The following NSDHL variants were observed in gnomAD, a reference collection of about 807,000 sequenced individuals.
NSDHL encodes the protein NAD(P) dependent 3-beta-hydroxysteroid dehydrogenase NSDHL.
Under a neutral mutation model 23.0 loss-of-function variants are expected in NSDHL, and 1 was observed. The observed-to-expected ratio is 0.04, with a 90% CI of 0.02 to 0.21. The LOEUF (loss-of-function observed/expected upper bound fraction) is 0.21, where lower values mean the gene tolerates loss of function less well. Ranked by LOEUF, NSDHL falls within the 10% of genes least tolerant of loss-of-function variation. NSDHL has a pLI of 1.00. For synonymous variants in NSDHL, 128 were observed against 121.1 expected (o/e 1.06, Z -0.37); for missense variants, 237 against 300.9 (o/e 0.79, Z 1.57).
intron 2 of NSDHL, among the ~76,000 whole-genome samples, chrX:152,849,932 G>C (rs782341838): frequency 8.9e-6 from 1 of 112,200 alleles, no homozygotes; most frequent in Non-Finnish European, 1.9e-5. Context: ...ACTGTTTTTT[G>C]GGGTATTTTT....
At chrX:152,854,392 TTTTTA>T (rs781989247) in intron 3 of NSDHL, among the ~76,000 whole-genome samples, 163 of 110,835 alleles carry the variant, frequency 1.5e-3, no homozygotes, top group African/African-American at 4.3e-3. Context: ...GAGAGGACCT[TTTTTA>T]TTTTATTTTA....
intron 2 of NSDHL, among the ~76,000 whole-genome samples, chrX:152,849,376 G>T (rs1388696622): frequency 1.8e-5 from 2 of 111,814 alleles, no homozygotes; most frequent in African/African-American, 6.5e-5. Flanking sequence ...AGGGAGGAGG[G>T]ATATCACAGG....
intron 4 of NSDHL, among the ~76,000 whole-genome samples, chrX:152,861,464 A>G (rs1556847512): frequency 8.9e-6 from 1 of 112,540 alleles, no homozygotes; most frequent in South Asian, 3.6e-4. Flanking sequence ...CACGCCCCCA[A>G]CCAATTTCTT....
intron 1 of NSDHL, among the ~76,000 whole-genome samples, chrX:152,845,422 G>A (rs1379582167): frequency 9.0e-6 from 1 of 111,706 alleles, no homozygotes; most frequent in East Asian, 2.8e-4. Flanking sequence ...CCATGACTAA[G>A]TAAATTGGCA....
chrX:152,867,297 G>A lies in NSDHL; in HGVS notation c.687-274G>A, dbSNP rs782155478. On this transcript the variant is annotated intron_variant, in intron 6 of 7. Coordinates refer to ENST00000370274, the MANE Select transcript of NSDHL (RefSeq NM_015922.3). ...GGCTGAAAAGCTGCTACCCAAATCGGGACAGGAGAGACAGCACCAGTGTTG... is the reference window on the plus strand; with the variant it reads ...GGCTGAAAAGCTGCTACCCAAATCGAGACAGGAGAGACAGCACCAGTGTTG... 5.3e-5 allele frequency among the ~76,000 whole-genome samples: 6 copies of A among 112,198 alleles called. No homozygotes were observed. In the South Asian group the frequency reaches 1.5e-3, roughly 28 times the overall value.
chrX:152,853,122 C>T (rs1391282192), intron 3 of NSDHL, among the ~76,000 whole-genome samples: 1 of 59,886 alleles, frequency 1.7e-5, no homozygotes, highest in Non-Finnish European at 3.1e-5. Flanking sequence ...CTAGCTCTCT[C>T]AGGCACGTGT....
chrX:152,864,349 A>G (rs1286291690), intron 5 of NSDHL, among the ~76,000 whole-genome samples: 5 of 112,236 alleles, frequency 4.5e-5, no homozygotes, highest in African/African-American at 1.6e-4. Context: ...TGCTCCTTGG[A>G]GCACTCATGT....
chrX:152,866,231 G>A (rs1933605691), intron 6 of NSDHL, among the ~76,000 whole-genome samples: 1 of 112,255 alleles, frequency 8.9e-6, no homozygotes, highest in African/African-American at 3.2e-5. Context: ...TCCTCACATG[G>A]TGGAAGGGGC....
At chrX:152,863,576 A>G in intron 5 of NSDHL, among the ~76,000 whole-genome samples, 1 of 112,803 alleles carries the variant, frequency 8.9e-6, no homozygotes, top group East Asian at 2.8e-4. Flanking sequence ...CCACTTGGCA[A>G]AACAGCTTCA....
chrX:152,846,511 A>G (rs1391686720), intron 2 of NSDHL, 79 bp downstream of exon 2: 1 of 651,714 alleles, frequency 1.5e-6, no homozygotes, highest in Admixed American at 2.4e-5. Flanking sequence ...TTGTACATGT[A>G]TTAATCAATG....
Position 152,837,369 on chromosome X carries a change from G to A in NSDHL, c.-44+6252G>A, listed in dbSNP as rs782532113. 5.4e-5 allele frequency among the ~76,000 whole-genome samples: 6 copies of A among 111,589 alleles called. No individual in the cohort carries two copies. In the East Asian group the frequency reaches 1.7e-3, roughly 32 times the overall value. ...TGGTGAGAGAGGGGACCCCTCTCTT[G>A]TGCCAGTTTTCAAAGGGAATGCTTC... On this transcript the variant is annotated intron_variant, in intron 1 of 7. Transcript: ENST00000370274.
intron 1 of NSDHL, among the ~76,000 whole-genome samples, chrX:152,835,987 C>T (rs1602920946): frequency 1.8e-5 from 2 of 112,027 alleles, no homozygotes; most frequent in Admixed American, 1.9e-4. Flanking sequence ...TTTTAAAGAT[C>T]GCCATTCTAA....
chrX:152,860,161 T>G (rs1327082182), intron 4 of NSDHL, among the ~76,000 whole-genome samples: 7 of 112,654 alleles, frequency 6.2e-5, no homozygotes, highest in Non-Finnish European at 1.3e-4. Flanking sequence ...GGAGCTCTTC[T>G]GGGCTTGGGC....
chrX:152,848,523 G>A (rs1032928568), intron 2 of NSDHL, among the ~76,000 whole-genome samples: 1 of 112,734 alleles, frequency 8.9e-6, no homozygotes, highest in Middle Eastern at 4.6e-3. Context: ...CAAGAGTAGC[G>A]TACTGATTAG....
At chrX:152,866,986 G>C (rs782037111) in intron 6 of NSDHL, among the ~76,000 whole-genome samples, 110 of 111,971 alleles carry the variant, frequency 9.8e-4, no homozygotes, top group African/African-American at 3.2e-3. Flanking sequence ...GACTGTCCTT[G>C]CATCTGGGAA....
chrX:152,859,512 A>C (rs893309584), intron 4 of NSDHL, among the ~76,000 whole-genome samples: 2 of 112,272 alleles, frequency 1.8e-5, no homozygotes, highest in African/African-American at 6.5e-5. Flanking sequence ...TTCACCGAGC[A>C]TGATGTCCTC....
intron 1 of NSDHL, among the ~76,000 whole-genome samples, chrX:152,838,925 G>C (rs1396523463): frequency 9.0e-6 from 1 of 111,541 alleles, no homozygotes; most frequent in Non-Finnish European, 1.9e-5. Flanking sequence ...ATTATTGAGT[G>C]GGAGTCTAAG....
chrX:152,855,761 C>T (rs1933435701), intron 3 of NSDHL, among the ~76,000 whole-genome samples: 2 of 112,178 alleles, frequency 1.8e-5, no homozygotes, highest in Middle Eastern at 4.6e-3. Flanking sequence ...TATTCCTCCT[C>T]AGATTATGTT....
At chrX:152,852,397 G>A (rs1381540117) in intron 3 of NSDHL, among the ~76,000 whole-genome samples, 1 of 111,656 alleles carries the variant, frequency 9.0e-6, no homozygotes, top group Non-Finnish European at 1.9e-5. Context: ...AGAAACCTCA[G>A]TTTCACTTTT....
Sources: gnomAD v4.1 joint callset for allele counts (sites outside exome capture counted in the v4.1 genomes callset) on GRCh38, gnomAD v4.1.1 for gene constraint, MANE v1.5 for transcripts, NCBI Gene and HGNC (gene_info 2026-07-23, HGNC 2026-07-21) for gene names.